Variants in ANKFY1 observed in about 807,000 individuals in gnomAD.
The protein encoded by ANKFY1 is ankyrin repeat and FYVE domain containing 1, also known as ankyrin repeat and FYVE domain-containing protein 1.
ANKFY1 carries 47 observed loss-of-function variants against 128.3 expected under a neutral mutation model. The observed-to-expected ratio is 0.37, with a 90% CI of 0.29 to 0.47. ANKFY1 has a LOEUF of 0.47. ANKFY1 is among the 20% of genes least tolerant of loss of function. The pLI is 1.00. For synonymous variants in ANKFY1, 553 were observed against 601.6 expected (o/e 0.92, Z 1.18); for missense variants, 1,222 against 1,510.6 (o/e 0.81, Z 3.17).
intron 24 of ANKFY1, chr17:4,168,134 CT>C (rs10684185): frequency 0.091 from 20,152 of 222,580 alleles, 2 homozygotes; most frequent in South Asian, 0.17. Flanking sequence ...CTGAAGAAGG[CT>C]TTTTTTTTTT....
rs778789079 is a variant in ANKFY1 at position 4,167,902 on chromosome 17, G to A, written c.3387C>T (p.Cys1129=). 4 of 1,613,228 alleles carry A rather than the reference G, an allele frequency of 2.5e-6. No individual in the cohort carries two copies. Among genetic ancestry groups the A allele is most frequent in the South Asian group, 1.1e-5 (1 of 90,984 alleles). Residue 1129 remains cysteine (C), a synonymous_variant, in exon 25 of 25, where the codon TGC becomes TGT. Transcript: ENST00000341657. The surrounding 1 kb of genome is among the most constrained non-coding windows in gnomAD (Gnocchi z 4.1). The part of the protein sequence containing the change: ...VTTRKHHCRH[C]GRLLCHKCST... Reference sequence around the variant, plus strand: ...AGCATTTATGGCAAAGAAGACGTCCGCAGTGACGACTGTGGAAGCAAAGAA... The same window carrying A: ...AGCATTTATGGCAAAGAAGACGTCCACAGTGACGACTGTGGAAGCAAAGAA...
intron 4 of ANKFY1, among the ~76,000 whole-genome samples, chr17:4,215,926 A>ACAG (rs1171243234): frequency 6.6e-6 from 1 of 152,236 alleles, no homozygotes; most frequent in African/African-American, 2.4e-5. Context: ...AAAACAAACA[A>ACAG]ACAAACAAAT....
Position 4,166,105 on chromosome 17 carries a change from A to G in ANKFY1, c.*1674T>C, listed in dbSNP as rs1242141127. On this transcript the variant is annotated 3_prime_UTR_variant, in exon 25 of 25. Transcript: ENST00000341657. ...ATTGTTTTTCTTTTAAACATTGTGCACAAGCTTATATTCACATAGAAAGCA... is the reference window on the plus strand; with the variant it reads ...ATTGTTTTTCTTTTAAACATTGTGCGCAAGCTTATATTCACATAGAAAGCA... 6.6e-6 allele frequency: 1 copy of G among 152,220 alleles called. No individual in the cohort carries two copies. Among genetic ancestry groups the G allele is most frequent in the Non-Finnish European group, 1.5e-5 (1 of 68,044 alleles). 9.4% of individuals were successfully genotyped at this position (152,220 alleles called of 1,614,324 possible).
chr17:4,228,596 TA>T (rs2060464727), intron 3 of ANKFY1, among the ~76,000 whole-genome samples: 1 of 152,100 alleles, frequency 6.6e-6, no homozygotes, highest in Non-Finnish European at 1.5e-5. Flanking sequence ...TTTGTATTTT[TA>T]GTAGAGATGG....
intron 10 of ANKFY1, chr17:4,191,335 C>G (rs562411197): frequency 6.6e-6 from 1 of 151,942 alleles, no homozygotes; most frequent in South Asian, 2.1e-4. Context: ...TTGCTCTAAT[C>G]TGGAGACTCT....
At chr17:4,234,322 T>G (rs1035773718) in intron 3 of ANKFY1, among the ~76,000 whole-genome samples, 2 of 152,186 alleles carry the variant, frequency 1.3e-5, no homozygotes, top group Admixed American at 6.5e-5. Context: ...AATTAAAATT[T>G]TGCTCTTTGC....
chr17:4,239,021 G>T (rs558616227), intron 2 of ANKFY1, among the ~76,000 whole-genome samples: 1 of 152,086 alleles, frequency 6.6e-6, no homozygotes, highest in Non-Finnish European at 1.5e-5. Flanking sequence ...GCCTCCCAAA[G>T]TGCTGGGATT....
intron 21 of ANKFY1, 81 bp from the exon 22 acceptor site, chr17:4,172,761 G>C: frequency 6.5e-7 from 1 of 1,528,948 alleles, no homozygotes; most frequent in South Asian, 1.2e-5. Context: ...TCTGAACTCT[G>C]TGATGGTGGA....
At chr17:4,261,707 G>A (rs1038164127) in intron 1 of ANKFY1, among the ~76,000 whole-genome samples, 1 of 152,218 alleles carries the variant, frequency 6.6e-6, no homozygotes, top group Non-Finnish European at 1.5e-5. Context: ...AGCACAGCAG[G>A]TGCTCAGTAA....
chr17:4,235,216 G>A (rs922461659), intron 3 of ANKFY1, among the ~76,000 whole-genome samples: 1 of 151,766 alleles, frequency 6.6e-6, no homozygotes, highest in African/African-American at 2.4e-5. Context: ...GGTGGTGGGT[G>A]CCTGTAATCC....
At chr17:4,217,243 C>T in intron 3 of ANKFY1, 125 bp from the exon 4 acceptor site, 3 of 1,094,444 alleles carry the variant, frequency 2.7e-6, no homozygotes, top group Non-Finnish European at 3.9e-6. Context: ...AGGAATATTA[C>T]ACAGTCATTA....
At position 4,169,464 on chromosome 17, in the gene ANKFY1, G is replaced by A. The variant is rs1317006899; in HGVS notation, c.3287-176C>T. 1.3e-5 allele frequency among the ~76,000 whole-genome samples: 2 copies of A among 152,210 alleles called. No individual in the cohort carries two copies. The highest frequency in any genetic ancestry group is 6.5e-5 in the Admixed American group (1 of 15,276). On this transcript the variant is annotated intron_variant, in intron 23 of 24. Transcript: ENST00000341657. The surrounding 1 kb of genome is among the most constrained non-coding windows in gnomAD (Gnocchi z 5.0). ...CAGGGCCAGCTTCCCAGAGGAGACT[G>A]GAGAATCAGCCCTTGCCCGGGAGAC... is the stretch of plus-strand genomic sequence containing the variant.
chr17:4,177,511 C>A (rs1331181934), intron 18 of ANKFY1, among the ~76,000 whole-genome samples: 1 of 152,120 alleles, frequency 6.6e-6, no homozygotes, highest in Non-Finnish European at 1.5e-5. Context: ...ACCAGGTGTG[C>A]GTGGCCACAC....
At chr17:4,246,340 G>T (rs1375220971) in intron 1 of ANKFY1, among the ~76,000 whole-genome samples, 3 of 152,174 alleles carry the variant, frequency 2.0e-5, no homozygotes, top group African/African-American at 4.8e-5. Context: ...TTTTAAGCTT[G>T]TATCAGTCAA....
At position 4,242,399 on chromosome 17, in the gene ANKFY1, A is replaced by G. The variant is rs576909108; in HGVS notation, c.60T>C (p.Tyr20=). 2 of 1,591,610 alleles carry G rather than the reference A, an allele frequency of 1.3e-6. No individual in the cohort carries two copies. The highest frequency in any genetic ancestry group is 1.7e-6 in the Non-Finnish European group (2 of 1,171,080). Residue 20 remains tyrosine (Y), a synonymous_variant, in exon 2 of 25, where the codon TAT becomes TAC. Transcript: ENST00000341657. ...CCGCCAGCTTCTTCTGCAGCTTGAC[A>G]TACTCCTGCCGCAGAAGCATCAAGT... The part of the protein sequence containing the change: ...EKHLMLLRQE[Y]VKLQKKLAET...
At chr17:4,225,154 G>A (rs2060403875) in intron 3 of ANKFY1, among the ~76,000 whole-genome samples, 2 of 152,134 alleles carry the variant, frequency 1.3e-5, no homozygotes, top group African/African-American at 4.8e-5. Flanking sequence ...TCAGGAGTTT[G>A]AAACCAGCCT....
chr17:4,184,831 G>C lies in ANKFY1; in HGVS notation c.1686C>G (p.Ile562Met). The stretch of plus-strand genomic sequence containing the variant: ...CCACTTACTTACCTTTCTGCTCCAG[G>C]ATGACAGACACCACATCCGGATGGT... ...AYNHPDVVSVILEQKANALHA... is the reference protein window; with the variant it reads ...AYNHPDVVSVMLEQKANALHA... Residue 562 changes from isoleucine (I) to methionine (M), a missense_variant, in exon 12 of 25, where the codon ATC becomes ATG. Ile to Met is a conservative substitution (Grantham distance 10, BLOSUM62 1). Transcript: ENST00000341657. 1 of 1,613,266 alleles carries C rather than the reference G, an allele frequency of 6.2e-7. No homozygotes were observed. The highest frequency in any genetic ancestry group is 8.5e-7 in the Non-Finnish European group (1 of 1,180,010).
intron 4 of ANKFY1, among the ~76,000 whole-genome samples, chr17:4,213,336 C>G (rs1290946625): frequency 6.6e-6 from 1 of 151,508 alleles, no homozygotes; most frequent in Non-Finnish European, 1.5e-5. Flanking sequence ...ATTATAGGCG[C>G]CCGCCACCAC....
At chr17:4,211,423 G>C (rs1322121721) in intron 4 of ANKFY1, among the ~76,000 whole-genome samples, 1 of 149,934 alleles carries the variant, frequency 6.7e-6, no homozygotes, top group Non-Finnish European at 1.5e-5. Flanking sequence ...AGAAAAAATA[G>C]CCAAATCATA....
Sources: allele counts gnomAD v4.1 joint callset (sites outside exome capture counted in the v4.1 genomes callset), GRCh38; gene constraint gnomAD v4.1.1; non-coding constraint Gnocchi (gnomAD v3.1); transcripts MANE v1.5; gene names NCBI Gene and HGNC (gene_info 2026-07-23, HGNC 2026-07-21).